Variants in ANKRD29 observed in about 807,000 individuals in gnomAD.
ANKRD29 encodes ankyrin repeat domain 29, also known as ankyrin repeat domain-containing protein 29.
Under a neutral mutation model 38.0 loss-of-function variants are expected in ANKRD29, and 32 were observed. The ratio of observed to expected loss-of-function variants is 0.84; its 90% confidence interval spans 0.64 to 1.13. ANKRD29 has a LOEUF of 1.13. Among genes scored for constraint, ANKRD29 ranks in the 50% most tolerant of loss-of-function variants. The pLI is 0.00. For synonymous variants in ANKRD29, 135 were observed against 152.4 expected (o/e 0.89, Z 0.84); for missense variants, 357 against 377.9 (o/e 0.94, Z 0.46).
Position 23,599,488 on chromosome 18 carries a change from AG to A in ANKRD29, c.*1737del, listed in dbSNP as rs1567998114. ...CTATTTTTGCCATAAGGGCTAACTA[AG>A]GGGAAAATACAAAGCATTTAATGCC... is the stretch of plus-strand genomic sequence containing the variant. On this transcript the variant is annotated 3_prime_UTR_variant, in exon 10 of 10. Coordinates refer to ENST00000592179, the MANE Select transcript of ANKRD29 (RefSeq NM_173505.4). 1 of 152,232 alleles carries A rather than the reference AG, an allele frequency of 6.6e-6. No homozygotes were observed. Among genetic ancestry groups the A allele is most frequent in the East Asian group, 1.9e-4 (1 of 5,208 alleles). The allele number at this position is 152,232 out of a possible 1,614,324, so 9.4% of individuals were successfully genotyped here. A position where few individuals can be genotyped will look rare whatever the true frequency, so the allele number is the denominator to read the frequency against.
chr18:23,649,457 T>C (rs2060183277), intron 1 of ANKRD29: 1 of 669,544 alleles, frequency 1.5e-6, no homozygotes, highest in South Asian at 1.5e-5. Context: ...ATGTTCTCAC[T>C]TTCCTGCCTC....
At chr18:23,648,160 T>A (rs1598528682) in intron 2 of ANKRD29, among the ~76,000 whole-genome samples, 1 of 152,256 alleles carries the variant, frequency 6.6e-6, no homozygotes, top group Non-Finnish European at 1.5e-5. Flanking sequence ...CAAACACAAC[T>A]GGAGGCCAGA....
At chr18:23,653,717 A>G (rs982570612) in intron 1 of ANKRD29, among the ~76,000 whole-genome samples, 1 of 151,528 alleles carries the variant, frequency 6.6e-6, no homozygotes, top group African/African-American at 2.4e-5. Context: ...ACCATGCCTG[A>G]CACTGACCAT....
At chr18:23,622,942 G>C (rs1338711364) in intron 6 of ANKRD29, among the ~76,000 whole-genome samples, 1 of 152,176 alleles carries the variant, frequency 6.6e-6, no homozygotes, top group Non-Finnish European at 1.5e-5. Context: ...GAATAGTCAT[G>C]GGAGGTGGAA....
In ANKRD29 at chr18:23,617,721, T is replaced by C; in HGVS notation, c.723+11A>G. On this transcript the variant is annotated intron_variant, in intron 8 of 9. Transcript: ENST00000592179. ...TCTTACAGATTAGTAAAATTTATCTTTAGGTCTTACCTTCAAAATACCAAG... is the reference window on the plus strand; with the variant it reads ...TCTTACAGATTAGTAAAATTTATCTCTAGGTCTTACCTTCAAAATACCAAG... 1 of 1,608,528 alleles carries C rather than the reference T, an allele frequency of 6.2e-7. No homozygotes were observed. The highest frequency in any genetic ancestry group is 8.5e-7 in the Non-Finnish European group (1 of 1,174,962).
At chr18:23,649,588 C>T (rs555664184) in intron 1 of ANKRD29, 12 of 477,612 alleles carry the variant, frequency 2.5e-5, no homozygotes, top group African/African-American at 1.6e-4. Flanking sequence ...CTTTCCTCAC[C>T]TCTAAGTGGG....
intron 3 of ANKRD29, among the ~76,000 whole-genome samples, chr18:23,645,026 T>G (rs1442948225): frequency 6.6e-6 from 1 of 152,200 alleles, no homozygotes; most frequent in African/African-American, 2.4e-5. Flanking sequence ...TACGATATAC[T>G]GGCTTGATGA....
intron 9 of ANKRD29, among the ~76,000 whole-genome samples, chr18:23,607,132 G>A (rs970724386): frequency 1.3e-5 from 2 of 152,316 alleles, no homozygotes; most frequent in Admixed American, 1.3e-4. Flanking sequence ...TTTGTCACAA[G>A]TGGTCTGCTG....
Position 23,612,394 on chromosome 18 carries a change from A to G in ANKRD29, c.724-204T>C, listed in dbSNP as rs551742805. Among the ~76,000 whole-genome samples the G allele has an allele frequency of 3.3e-5, 5 of 152,324 alleles. No individual in the cohort carries two copies. In the South Asian group the frequency reaches 1.0e-3, roughly 32 times the overall value. On this transcript the variant is annotated intron_variant, in intron 8 of 9. Transcript: ENST00000592179. ...ACCAATGGTCAGTACAAATATTGCT[A>G]ATGTTCTCTTACAAGTGAAATAAGG...
Position 23,605,989 on chromosome 18 carries a change from G to T in ANKRD29, c.823-4680C>A, listed in dbSNP as rs536038536. On this transcript the variant is annotated intron_variant, in intron 9 of 9. Transcript: ENST00000592179. The stretch of plus-strand genomic sequence containing the variant: ...TTTACAAAGGCTTGTAAAATATTTT[G>T]CCAGTACAGTTTAGTGTTCCTGCTT... Among the ~76,000 whole-genome samples the T allele has an allele frequency of 5.3e-5, 8 of 150,982 alleles. No homozygotes were observed. In the East Asian group the frequency reaches 1.6e-3, roughly 29 times the overall value.
At chr18:23,653,570 T>A (rs2060237924) in intron 1 of ANKRD29, among the ~76,000 whole-genome samples, 1 of 150,708 alleles carries the variant, frequency 6.6e-6, no homozygotes. Flanking sequence ...TTTCTTTTAT[T>A]TTTTACTTTT....
chr18:23,608,998 G>T (rs911038262), intron 9 of ANKRD29, among the ~76,000 whole-genome samples: 2 of 152,074 alleles, frequency 1.3e-5, no homozygotes, highest in African/African-American at 4.8e-5. Flanking sequence ...GAAGGCTGAG[G>T]CAGGAGAATC....
rs148792819 is a variant in ANKRD29, at chr18:23,601,242, C to T, written c.890G>A (p.Gly297Asp). 5.6e-6 allele frequency: 9 copies of T among 1,613,992 alleles called. No homozygotes were observed. The highest frequency in any genetic ancestry group is 7.6e-6 in the Non-Finnish European group (9 of 1,179,950). ...GGAGCTAAGTTAGCTCTTTCTGGGACCTTCTTTACTTCTCAGGAGACGCAA... is the reference window on the plus strand; with the variant it reads ...GGAGCTAAGTTAGCTCTTTCTGGGATCTTCTTTACTTCTCAGGAGACGCAA... ...RILRLLRSKE[G>D]PRKS Residue 297 changes from glycine (G) to aspartate (D), a missense_variant, in exon 10 of 10, where the codon GGT becomes GAT. Physicochemically the swap from Gly to Asp is moderately conservative, Grantham distance 94 (BLOSUM62 -1). Coordinates refer to ENST00000592179, the MANE Select transcript of ANKRD29 (RefSeq NM_173505.4).
chr18:23,632,354 G>A (rs759128651), intron 5 of ANKRD29, among the ~76,000 whole-genome samples: 8 of 151,366 alleles, frequency 5.3e-5, no homozygotes, highest in South Asian at 2.1e-4. Context: ...TATTTCAATC[G>A]TTTTTAAGAA....
At chr18:23,648,944 G>T in intron 2 of ANKRD29, 139 bp downstream of exon 2, 1 of 705,456 alleles carries the variant, frequency 1.4e-6, no homozygotes, top group Non-Finnish European at 2.4e-6. Flanking sequence ...CAGTACCTTG[G>T]ATGTTTTAAA....
At chr18:23,625,036 C>T (rs1025698561) in intron 6 of ANKRD29, among the ~76,000 whole-genome samples, 3 of 152,168 alleles carry the variant, frequency 2.0e-5, no homozygotes, top group East Asian at 1.9e-4. Context: ...GATTTCCAGC[C>T]GTCACACTTG....
At chr18:23,646,895 C>T (rs966470348) in intron 2 of ANKRD29, 3 of 152,480 alleles carry the variant, frequency 2.0e-5, no homozygotes, top group African/African-American at 7.2e-5. Context: ...CAAAGTCTGT[C>T]CCAGCTTTAA....
At chr18:23,631,483 C>G (rs374847023) in intron 5 of ANKRD29, among the ~76,000 whole-genome samples, 1 of 151,968 alleles carries the variant, frequency 6.6e-6, no homozygotes, top group Non-Finnish European at 1.5e-5. Context: ...TGGGCTCAAG[C>G]GATCCTCCTG....
chr18:23,630,454 CAAAT>C (rs1199492068), intron 5 of ANKRD29, among the ~76,000 whole-genome samples: 1 of 151,214 alleles, frequency 6.6e-6, no homozygotes, highest in Non-Finnish European at 1.5e-5. Context: ...AAACAAAAAA[CAAAT>C]AAAAATACAA....
Sources: gnomAD v4.1 joint callset for allele counts (sites outside exome capture counted in the v4.1 genomes callset) on GRCh38, gnomAD v4.1.1 for gene constraint, MANE v1.5 for transcripts, NCBI Gene and HGNC (gene_info 2026-07-23, HGNC 2026-07-21) for gene names.